CTNNAL1: variants seen among roughly 807,000 people sequenced by gnomAD.
CTNNAL1 encodes the protein alpha-catulin.
A neutral mutation model predicts 93.6 loss-of-function variants in CTNNAL1; 69 were observed. The observed-to-expected ratio is 0.74, with a 90% CI of 0.61 to 0.90. The LOEUF is 0.90. CTNNAL1 is among the 40% of genes least tolerant of loss of function. The pLI is 0.00. For synonymous variants in CTNNAL1, 286 were observed against 305.4 expected (o/e 0.94, Z 0.66); for missense variants, 836 against 862.0 (o/e 0.97, Z 0.38).
intron 4 of CTNNAL1, among the ~76,000 whole-genome samples, chr9:108,984,958 T>G (rs1182468768): frequency 6.6e-6 from 1 of 152,212 alleles, no homozygotes; most frequent in Non-Finnish European, 1.5e-5. Context: ...CTCTGAAATA[T>G]TCTTAAGATG....
At position 108,942,804 on chromosome 9, in the gene CTNNAL1, C is replaced by T. The variant is rs780932362; in HGVS notation, c.2170G>A (p.Val724Ile). The T allele has an allele frequency of 6.2e-7, 1 of 1,613,642 alleles. No homozygotes were observed. Among genetic ancestry groups the T allele is most frequent in the South Asian group, 1.1e-5 (1 of 91,060 alleles). The change falls in exon 19 of 19, where the codon GTT (valine) becomes ATT (isoleucine). Residue 724 changes from valine (V) to isoleucine (I), a missense_variant. Transcript: ENST00000325551. Reference sequence around the variant, plus strand: ...CTATCCATAGTGTCCTTATTTGTAACTGAGACCCATCCGTTATTTTCCATC... The same window carrying T: ...CTATCCATAGTGTCCTTATTTGTAATTGAGACCCATCCGTTATTTTCCATC... ...LQMENNGWVS[V>I]TNKDTMDSKT
rs533620584 is a variant in CTNNAL1 at position 109,009,764 on chromosome 9, A to T, written c.141+3538T>A. Reference sequence around the variant, plus strand: ...TTTTCATGGAAATTGCATTAAATTGACCAATAGGGATAACTGATATGTCTA... The same window carrying T: ...TTTTCATGGAAATTGCATTAAATTGTCCAATAGGGATAACTGATATGTCTA... On this transcript the variant is annotated intron_variant, in intron 1 of 18. Coordinates refer to ENST00000325551, the MANE Select transcript of CTNNAL1 (RefSeq NM_003798.4). 6.6e-4 allele frequency among the ~76,000 whole-genome samples: 101 copies of T among 152,346 alleles called. 3 individuals carry two copies. The South Asian group carries it at 0.02, about 31-fold the overall frequency.
chr9:108,996,528 C>T (rs1299525237), intron 2 of CTNNAL1, among the ~76,000 whole-genome samples: 6 of 152,072 alleles, frequency 3.9e-5, no homozygotes, highest in South Asian at 2.1e-4. Flanking sequence ...CAAAATACTC[C>T]GTTTATGGAG....
At chr9:108,964,284 C>T (rs1487662219) in intron 11 of CTNNAL1, among the ~76,000 whole-genome samples, 2 of 152,030 alleles carry the variant, frequency 1.3e-5, no homozygotes, top group Non-Finnish European at 2.9e-5. Context: ...AGCAAATTAA[C>T]ATTTATCCTA....
At position 108,990,657 on chromosome 9, in the gene CTNNAL1, G is replaced by C. The variant is rs1003030138; in HGVS notation, c.639+69C>G. 2.0e-6 allele frequency: 3 copies of C among 1,524,850 alleles called. No homozygotes were observed. The African/African-American group carries it at 4.1e-5, about 21-fold the overall frequency. 94.5% of individuals were successfully genotyped at this position (1,524,850 alleles called of 1,614,324 possible). A position where few individuals can be genotyped will look rare whatever the true frequency, so the allele number is the denominator to read the frequency against. ...AGAAACCAGTCCAAACAATCCTAAC[G>C]ATCATACCTCCATCCAAACTAAAAA... On this transcript the variant is annotated intron_variant, in intron 4 of 18. Transcript: ENST00000325551.
chr9:108,959,390 C>T (rs1317581940), intron 11 of CTNNAL1, among the ~76,000 whole-genome samples: 1 of 129,458 alleles, frequency 7.7e-6, no homozygotes, highest in Non-Finnish European at 1.6e-5. Flanking sequence ...AAAAAAAAGA[C>T]CAGCCTGGGT....
intron 11 of CTNNAL1, among the ~76,000 whole-genome samples, chr9:108,957,400 A>G (rs747619927): frequency 1.3e-4 from 19 of 151,006 alleles, no homozygotes; most frequent in Non-Finnish European, 2.1e-4. Context: ...AATTACAGGC[A>G]TGAGCCACTG....
At chr9:109,012,438 C>T (rs934827581) in intron 1 of CTNNAL1, among the ~76,000 whole-genome samples, 11 of 152,196 alleles carry the variant, frequency 7.2e-5, no homozygotes, top group Admixed American at 7.2e-4. Flanking sequence ...ACATCGCCAA[C>T]GCGCTCCCGA....
intron 8 of CTNNAL1, among the ~76,000 whole-genome samples, chr9:108,973,489 A>C (rs1831175888): frequency 6.6e-6 from 1 of 152,134 alleles, no homozygotes; most frequent in Non-Finnish European, 1.5e-5. Flanking sequence ...GGGAGGTTAG[A>C]ATCTGTCTAT....
In CTNNAL1 at chr9:108,978,212, A is replaced by G. The variant is rs114061110; in HGVS notation, c.1101+1069T>C. Among the ~76,000 whole-genome samples, 254 of 152,350 alleles carry G rather than the reference A, an allele frequency of 1.7e-3. 1 individual carries two copies. The highest frequency in any genetic ancestry group is 5.8e-3 in the African/African-American group (243 of 41,580). On this transcript the variant is annotated intron_variant, in intron 7 of 18. Transcript: ENST00000325551. ...ATCTACACTTCAGATTGTGTATCAC[A>G]CAGATAATTCAAACTAAACACAAAA...
chr9:109,010,117 G>C (rs1827164116), intron 1 of CTNNAL1, among the ~76,000 whole-genome samples: 1 of 152,044 alleles, frequency 6.6e-6, no homozygotes, highest in South Asian at 2.1e-4. Context: ...TCAGCTGCTG[G>C]GCTCAAGCCA....
chr9:109,012,705 T>C (rs934944401), intron 1 of CTNNAL1, among the ~76,000 whole-genome samples: 1 of 152,042 alleles, frequency 6.6e-6, no homozygotes, highest in African/African-American at 2.4e-5. Flanking sequence ...CGGGCAGAAG[T>C]GAGCAGCAGC....
chr9:108,960,669 G>A (rs1027457166), intron 11 of CTNNAL1, among the ~76,000 whole-genome samples: 1 of 152,154 alleles, frequency 6.6e-6, no homozygotes, highest in African/African-American at 2.4e-5. Context: ...ATAGAACAAA[G>A]GGAATTCAGC....
chr9:108,959,765 C>T (rs370231956), intron 11 of CTNNAL1, among the ~76,000 whole-genome samples: 2 of 152,224 alleles, frequency 1.3e-5, no homozygotes, highest in East Asian at 1.9e-4. Flanking sequence ...CTGTCCTCAA[C>T]GAGGTATTGT....
intron 1 of CTNNAL1, among the ~76,000 whole-genome samples, chr9:109,005,597 C>G (rs896083795): frequency 7.9e-5 from 12 of 152,078 alleles, no homozygotes; most frequent in Admixed American, 3.9e-4. Context: ...GAATGTGGAC[C>G]CTCACTGGAT....
At chr9:108,951,607 G>A (rs1278443807) in intron 14 of CTNNAL1, among the ~76,000 whole-genome samples, 1 of 152,152 alleles carries the variant, frequency 6.6e-6, no homozygotes, top group Non-Finnish European at 1.5e-5. Context: ...TTTTAACTAA[G>A]CAGAATTACT....
intron 2 of CTNNAL1, 79 bp downstream of exon 2, chr9:108,998,988 C>A: frequency 6.8e-7 from 1 of 1,463,262 alleles, no homozygotes; most frequent in Non-Finnish European, 9.1e-7. Flanking sequence ...ATCTTTATTC[C>A]AAATAAATCA....
At chr9:108,993,974 A>G (rs1831914142) in intron 2 of CTNNAL1, among the ~76,000 whole-genome samples, 1 of 152,234 alleles carries the variant, frequency 6.6e-6, no homozygotes, top group Admixed American at 6.5e-5. Context: ...TCACACCTGT[A>G]ATCCTAGCAC....
At chr9:108,983,104 A>C (rs1481995230) in intron 6 of CTNNAL1, 41 bp downstream of exon 6, 1 of 1,323,358 alleles carries the variant, frequency 7.6e-7, no homozygotes, top group African/African-American at 1.5e-5. Context: ...ATAAAATAAA[A>C]TAAGAAGAGA....
Sources: gnomAD v4.1 joint callset for allele counts (sites outside exome capture counted in the v4.1 genomes callset) on GRCh38, gnomAD v4.1.1 for gene constraint, MANE v1.5 for transcripts, NCBI Gene and HGNC (gene_info 2026-07-23, HGNC 2026-07-21) for gene names.